EPS8: variants seen among roughly 807,000 people sequenced by gnomAD.
The protein encoded by EPS8 is epidermal growth factor receptor kinase substrate 8.
A neutral mutation model predicts 103.8 loss-of-function variants in EPS8; 42 were observed. The ratio of observed to expected loss-of-function variants is 0.40; its 90% CI spans 0.32 to 0.52. The LOEUF (loss-of-function observed/expected upper bound fraction) is 0.52, where lower values mean the gene tolerates loss of function less well. EPS8 is among the 20% of genes least tolerant of loss of function. The pLI, the probability that EPS8 is intolerant of heterozygous loss-of-function variation, is 0.40. For synonymous variants in EPS8, 344 were observed against 344.6 expected, an observed-to-expected ratio of 1.00 and a Z score of 0.02; for missense variants, 969 against 1,005.1, an observed-to-expected ratio of 0.96 and a Z score of 0.49.
intron 6 of EPS8, among the ~76,000 whole-genome samples, chr12:15,668,137 TTATAA>T (rs1265894103): frequency 6.6e-6 from 1 of 152,176 alleles, no homozygotes; most frequent in Non-Finnish European, 1.5e-5. Context: ...CTTACAAAAA[TTATAA>T]TATACTATGA....
intron 1 of EPS8, among the ~76,000 whole-genome samples, chr12:15,709,396 T>C (rs1591882418): frequency 6.6e-6 from 1 of 151,998 alleles, no homozygotes; most frequent in East Asian, 1.9e-4. Flanking sequence ...ATTTTGAATA[T>C]GAGGGAGAGA....
intron 1 of EPS8, among the ~76,000 whole-genome samples, chr12:15,782,797 A>G (rs1192746947): frequency 3.3e-5 from 5 of 152,210 alleles, no homozygotes; most frequent in African/African-American, 1.2e-4. Flanking sequence ...TACATACTGT[A>G]CTACTGTAAT....
chr12:15,637,772 G>A (rs1175953047), intron 17 of EPS8, among the ~76,000 whole-genome samples: 2 of 152,160 alleles, frequency 1.3e-5, no homozygotes, highest in African/African-American at 4.8e-5. Context: ...AAATGTGTGG[G>A]CCATATCTGA....
chr12:15,631,649 A>G lies in EPS8; in HGVS notation c.1837T>C (p.Tyr613His). The stretch of plus-strand genomic sequence containing the variant: ...GGAGTATCAGCTGGTCTTGGGCCAT[A>G]CTCCATCCTTTGTTTCTATAAAAAG... ...THTIQKQRME[Y>H]GPRPADTPPA... Residue 613 changes from tyrosine (Y) to histidine (H), a missense_variant, in exon 18 of 21, where the codon TAT becomes CAT. Transcript: ENST00000281172. 8.7e-6 allele frequency: 14 copies of G among 1,611,512 alleles called. No homozygotes were observed. The highest frequency in any genetic ancestry group is 1.2e-5 in the Non-Finnish European group (14 of 1,178,704).
At position 15,780,007 on chromosome 12, in the gene EPS8, A is replaced by T. The variant is rs1254806541; in HGVS notation, c.-22+9154T>A. On this transcript the variant is annotated intron_variant, in intron 1 of 20. Coordinates refer to ENST00000281172, the MANE Select transcript of EPS8 (RefSeq NM_004447.6). The surrounding 1 kb of genome is among the most constrained non-coding windows in gnomAD (Gnocchi z 4.1). ...AGGACCTCCAATTTCACCCAAAAAC[A>T]TGCAAGTTCTCTTTCTTAAATTCCA... 6.6e-6 allele frequency: 1 copy of T among 152,188 alleles called. No homozygotes were observed. Among genetic ancestry groups the T allele is most frequent in the Non-Finnish European group, 1.5e-5 (1 of 68,026 alleles). 9.4% of individuals were successfully genotyped at this position (152,188 alleles called of 1,614,324 possible). A position where few individuals can be genotyped will look rare whatever the true frequency, so the allele number is the denominator to read the frequency against.
intron 10 of EPS8, among the ~76,000 whole-genome samples, chr12:15,660,156 T>C (rs1425501487): frequency 2.0e-5 from 3 of 152,122 alleles, no homozygotes; most frequent in African/African-American, 7.2e-5. Flanking sequence ...CCTGAGTTCA[T>C]CTTACTCTTT....
chr12:15,631,353 A>C, intron 18 of EPS8, 89 bp downstream of exon 18: 1 of 1,557,740 alleles, frequency 6.4e-7, no homozygotes. Context: ...AAAGGACTTT[A>C]ATACAAGTAG....
At position 15,728,470 on chromosome 12, in the gene EPS8, G is replaced by T. The variant is rs1401164060; in HGVS notation, c.-21-45498C>A. On this transcript the variant is annotated intron_variant, in intron 1 of 20. Transcript: ENST00000281172. The surrounding 1 kb of genome is among the most constrained non-coding windows in gnomAD (Gnocchi z 4.5). ...AGGGTCATCTGTTCCTCACTACAAA[G>T]AACCTTAGAGAATGTTACACAAACA... Among the ~76,000 whole-genome samples, 1 of 152,136 alleles carries T rather than the reference G, an allele frequency of 6.6e-6. No homozygotes were observed. Among genetic ancestry groups the T allele is most frequent in the Admixed American group, 6.5e-5 (1 of 15,270 alleles).
At position 15,785,812 on chromosome 12, in the gene EPS8, T is replaced by A. The variant is rs1407388249; in HGVS notation, c.-22+3349A>T. Among the ~76,000 whole-genome samples the A allele has an allele frequency of 9.2e-5, 14 of 151,890 alleles. No individual in the cohort carries two copies. Reference sequence around the variant, plus strand: ...AGGAAATGCTTCCAAAAAAACAAAATTCACATTGATGGTAGTATGTCAAAG... The same window carrying A: ...AGGAAATGCTTCCAAAAAAACAAAAATCACATTGATGGTAGTATGTCAAAG... On this transcript the variant is annotated intron_variant, in intron 1 of 20. Coordinates refer to ENST00000281172, the MANE Select transcript of EPS8 (RefSeq NM_004447.6). The surrounding 1 kb of genome is among the most constrained non-coding windows in gnomAD (Gnocchi z 4.9).
chr12:15,624,459 A>T (rs1381641689), intron 18 of EPS8, 52 bp from the exon 19 acceptor site: 4 of 1,374,706 alleles, frequency 2.9e-6, no homozygotes, highest in Non-Finnish European at 4.0e-6. Flanking sequence ...ATATTACATC[A>T]CCCTCTCTAG....
chr12:15,652,206 A>C (rs1945427413), intron 13 of EPS8, among the ~76,000 whole-genome samples: 1 of 152,224 alleles, frequency 6.6e-6, no homozygotes, highest in Non-Finnish European at 1.5e-5. Context: ...TAAGCGAAAT[A>C]AGCTCACTCA....
At chr12:15,634,076 T>C (rs1945095126) in intron 17 of EPS8, among the ~76,000 whole-genome samples, 2 of 152,326 alleles carry the variant, frequency 1.3e-5, no homozygotes, top group East Asian at 3.9e-4. Flanking sequence ...TCTGAACTTT[T>C]TTCTCCTGAA....
At chr12:15,621,451 A>T (rs1565461919) in intron 20 of EPS8, 21 bp from the exon 21 acceptor site, 1 of 1,387,674 alleles carries the variant, frequency 7.2e-7, no homozygotes, top group Non-Finnish European at 1.0e-6. Context: ...AACAGTTCAG[A>T]CAAGATAGTT....
chr12:15,739,678 C>G (rs1462490994), intron 1 of EPS8, among the ~76,000 whole-genome samples: 1 of 152,156 alleles, frequency 6.6e-6, no homozygotes. Flanking sequence ...CATCAACTTC[C>G]CTGGTTCTCC....
At position 15,731,395 on chromosome 12, in the gene EPS8, T is replaced by C. The variant is rs954809254; in HGVS notation, c.-21-48423A>G. 2.6e-5 allele frequency among the ~76,000 whole-genome samples: 4 copies of C among 152,142 alleles called. No homozygotes were observed. Among genetic ancestry groups the C allele is most frequent in the Non-Finnish European group, 5.9e-5 (4 of 68,028 alleles). The stretch of plus-strand genomic sequence containing the variant: ...CTCACTGCAACCTCAGCTTCCCAGG[T>C]TCGAGCTACTCTCCTGCCTCAGATT... On this transcript the variant is annotated intron_variant, in intron 1 of 20. Transcript: ENST00000281172. The surrounding 1 kb of genome is among the most constrained non-coding windows in gnomAD (Gnocchi z 5.1).
In EPS8 at chr12:15,789,294, C is replaced by T. The variant is rs983080473; in HGVS notation, c.-155G>A. The T allele has an allele frequency of 6.6e-6, 1 of 152,318 alleles. No homozygotes were observed. Among genetic ancestry groups the T allele is most frequent in the Non-Finnish European group, 1.5e-5 (1 of 68,156 alleles). The allele number at this position is 152,318 out of a possible 1,614,324, so 9.4% of individuals were successfully genotyped here. ...CGTCCGCGAGCCGCGGAGCCGCCTT[C>T]TGCACCCAGCTAAAGAGCAGCGATC... On this transcript the variant is annotated 5_prime_UTR_variant, in exon 1 of 21. Coordinates refer to ENST00000281172, the MANE Select transcript of EPS8 (RefSeq NM_004447.6). This position sits in a 1 kb window ranked among gnomAD's most constrained non-coding sequence, Gnocchi z 6.1.
intron 18 of EPS8, among the ~76,000 whole-genome samples, chr12:15,627,690 C>A (rs1435796796): frequency 6.6e-6 from 1 of 152,122 alleles, no homozygotes; most frequent in African/African-American, 2.4e-5. Flanking sequence ...TTTTCCTAGC[C>A]ATTTATGCTA....
At chr12:15,742,606 C>A (rs922920280) in intron 1 of EPS8, among the ~76,000 whole-genome samples, 4 of 152,206 alleles carry the variant, frequency 2.6e-5, no homozygotes, top group African/African-American at 9.6e-5. Context: ...GCTGGTTCAA[C>A]ATACACAAAT....
chr12:15,707,235 G>C (rs1474801049), intron 1 of EPS8, among the ~76,000 whole-genome samples: 3 of 152,118 alleles, frequency 2.0e-5, no homozygotes, highest in Non-Finnish European at 4.4e-5. Flanking sequence ...TAAAGAGCCA[G>C]GTTATAAATA....
Sources: allele counts gnomAD v4.1 joint callset (sites outside exome capture counted in the v4.1 genomes callset), GRCh38; gene constraint gnomAD v4.1.1; non-coding constraint Gnocchi (gnomAD v3.1); transcripts MANE v1.5; gene names NCBI Gene and HGNC (gene_info 2026-07-23, HGNC 2026-07-21).